Variants in PDE9A observed in about 807,000 individuals in gnomAD.
PDE9A encodes phosphodiesterase 9A.
Under a neutral mutation model 87.4 loss-of-function variants are expected in PDE9A, and 60 were observed. That is an observed-to-expected ratio of 0.69 (90% CI 0.56 to 0.85). The LOEUF (loss-of-function observed/expected upper bound fraction) is 0.85, where lower values mean the gene tolerates loss of function less well. Ranked by LOEUF, PDE9A falls within the 40% of genes least tolerant of loss-of-function variation. The pLI, the probability that PDE9A is intolerant of heterozygous loss-of-function variation, is 0.00. For synonymous variants in PDE9A, 272 were observed against 279.4 expected (o/e 0.97, Z 0.27); for missense variants, 665 against 779.0 (o/e 0.85, Z 1.74).
Position 42,751,097 on chromosome 21 carries a change from C to G in PDE9A, c.654-19C>G. On this transcript the variant is annotated intron_variant, in intron 8 of 19. Coordinates refer to ENST00000291539, the MANE Select transcript of PDE9A (RefSeq NM_002606.3). ...CTGAAACAGCAGGACCACAGCTCATCTCTGCTCCTTCTCTCTAGGACCAAC... is the reference window on the plus strand; with the variant it reads ...CTGAAACAGCAGGACCACAGCTCATGTCTGCTCCTTCTCTCTAGGACCAAC... 6.5e-7 allele frequency: 1 copy of G among 1,537,342 alleles called. No individual in the cohort carries two copies. The highest frequency in any genetic ancestry group is 9.0e-7 in the Non-Finnish European group (1 of 1,109,844).
intron 8 of PDE9A, among the ~76,000 whole-genome samples, chr21:42,744,743 C>T (rs1254417185): frequency 1.3e-5 from 2 of 152,240 alleles, no homozygotes; most frequent in African/African-American, 2.4e-5. Flanking sequence ...GGACTCTTTA[C>T]TGGAGCCAGG....
chr21:42,728,870 G>A (rs555841400), intron 4 of PDE9A, among the ~76,000 whole-genome samples: 5 of 151,956 alleles, frequency 3.3e-5, no homozygotes, highest in Non-Finnish European at 5.9e-5. Context: ...GCTTAGTGGC[G>A]GGCACCTATA....
intron 4 of PDE9A, among the ~76,000 whole-genome samples, chr21:42,726,592 C>CTATATATATATATATATATATATA (rs2051062252): frequency 5.4e-5 from 4 of 74,222 alleles, no homozygotes; most frequent in African/African-American, 2.9e-4. Flanking sequence ...CCACGCCTGG[C>CTATATATATATATATATATATATA]CATATATATA....
chr21:42,667,465 A>G (rs2058085076), intron 1 of PDE9A, among the ~76,000 whole-genome samples: 1 of 152,034 alleles, frequency 6.6e-6, no homozygotes, highest in South Asian at 2.1e-4. Flanking sequence ...TTGAATAGAA[A>G]CACACCCCTC....
rs10552392 is a variant in PDE9A, at chr21:42,773,259, C to CAA, written c.1768+758_1768+759dup. ...CCTGGAGAACAGTGAGACTCCATCTCAAAAAAAAAAAAAAAAAAAAGTGAG... is the reference window on the plus strand; with the variant it reads ...CCTGGAGAACAGTGAGACTCCATCTCAAAAAAAAAAAAAAAAAAAAAAGTGAG... On this transcript the variant is annotated intron_variant, in intron 19 of 19. Coordinates refer to ENST00000291539, the MANE Select transcript of PDE9A (RefSeq NM_002606.3). Among the ~76,000 whole-genome samples, 254 of 84,228 alleles carry CAA rather than the reference C, an allele frequency of 3.0e-3. 3 individuals carry two copies. Among genetic ancestry groups the CAA allele is most frequent in the African/African-American group, 0.011 (237 of 22,436 alleles). 55.3% of individuals were successfully genotyped at this position (84,228 alleles called of 152,430 possible).
chr21:42,768,796 C>T (rs2056634160), intron 16 of PDE9A: 1 of 985,442 alleles, frequency 1.0e-6, no homozygotes, highest in Non-Finnish European at 1.2e-6. Context: ...TACATCCATC[C>T]AACTCACCTC....
At chr21:42,773,371 A>T (rs561239786) in intron 19 of PDE9A, among the ~76,000 whole-genome samples, 73 of 152,294 alleles carry the variant, frequency 4.8e-4, no homozygotes, top group African/African-American at 1.8e-3. Context: ...AGTACTTTTT[A>T]AAAGTGCAAT....
intron 1 of PDE9A, among the ~76,000 whole-genome samples, chr21:42,676,976 C>T (rs1022162705): frequency 6.6e-6 from 1 of 152,146 alleles, no homozygotes; most frequent in Non-Finnish European, 1.5e-5. Context: ...GTGAGCTCCA[C>T]GGGGCCCAGC....
chr21:42,720,362 C>T (rs1045161188), intron 4 of PDE9A, among the ~76,000 whole-genome samples: 3 of 152,000 alleles, frequency 2.0e-5, no homozygotes, highest in Non-Finnish European at 4.4e-5. Context: ...GGCATGGTCA[C>T]GCATGCCTGT....
chr21:42,656,261 C>T (rs1437387524), intron 1 of PDE9A, among the ~76,000 whole-genome samples: 1 of 152,196 alleles, frequency 6.6e-6, no homozygotes, highest in Non-Finnish European at 1.5e-5. Flanking sequence ...CTTTCCGTCA[C>T]TGTGTTCGTC....
At chr21:42,764,508 C>G (rs1324734398) in intron 14 of PDE9A, among the ~76,000 whole-genome samples, 1 of 152,182 alleles carries the variant, frequency 6.6e-6, no homozygotes, top group Non-Finnish European at 1.5e-5. Context: ...AGTGAACGCC[C>G]CTTAGTGTAG....
rs749495400 is a variant in PDE9A at position 42,698,917 on chromosome 21, A to T, written c.219-51A>T. 7.5e-6 allele frequency: 10 copies of T among 1,335,818 alleles called. No individual in the cohort carries two copies. The South Asian group carries it at 1.2e-4, about 17-fold the overall frequency. 82.7% of individuals were successfully genotyped at this position (1,335,818 alleles called of 1,614,324 possible). On this transcript the variant is annotated intron_variant, in intron 3 of 19. Coordinates refer to ENST00000291539, the MANE Select transcript of PDE9A (RefSeq NM_002606.3). ...AGTGCTTATCTCTCCTGCCAGGCAT[A>T]CAGCGAGCGCCTTGCAGAGTCTCAC...
intron 2 of PDE9A, among the ~76,000 whole-genome samples, chr21:42,686,867 A>G (rs1014328658): frequency 1.3e-5 from 2 of 152,098 alleles, no homozygotes; most frequent in Non-Finnish European, 2.9e-5. Flanking sequence ...TCACTTCTTC[A>G]TTCACTTTTG....
chr21:42,689,928 G>T, intron 3 of PDE9A: 1 of 985,048 alleles, frequency 1.0e-6, no homozygotes, highest in Non-Finnish European at 1.2e-6. Context: ...AGACACACGC[G>T]GATGAGGATA....
Position 42,762,183 on chromosome 21 carries a change from C to G in PDE9A, c.1186C>G (p.Pro396Ala). The change falls in exon 14 of 20, where the codon CCT becomes GCT. Residue 396 changes from proline to alanine, a missense_variant. Coordinates refer to ENST00000291539, the MANE Select transcript of PDE9A (RefSeq NM_002606.3). ...CGTGGCCTTCCAGATCCTCGCCGAG[C>G]CTGAGTGCAACATCTTCTCCAACAT... Reference protein sequence around the residue: ...CAVAFQILAEPECNIFSNIPP... With the variant: ...CAVAFQILAEAECNIFSNIPP... 6.2e-7 allele frequency: 1 copy of G among 1,614,192 alleles called. No homozygotes were observed. The highest frequency in any genetic ancestry group is 8.5e-7 in the Non-Finnish European group (1 of 1,180,018).
At chr21:42,686,308 C>T (rs372897987) in intron 2 of PDE9A, 46 bp downstream of exon 2, 22 of 1,526,396 alleles carry the variant, frequency 1.4e-5, no homozygotes, top group African/African-American at 2.7e-5. Flanking sequence ...ACGCGGCCTC[C>T]TCGCCTTTTC....
chr21:42,711,162 T>G (rs2049301142), intron 4 of PDE9A, among the ~76,000 whole-genome samples: 1 of 152,198 alleles, frequency 6.6e-6, no homozygotes, highest in Non-Finnish European at 1.5e-5. Context: ...ATGAGGTCAT[T>G]TGATGAGCAG....
intron 8 of PDE9A, 46 bp downstream of exon 8, chr21:42,743,906 T>C (rs1256794507): frequency 4.5e-6 from 5 of 1,109,686 alleles, no homozygotes; most frequent in Non-Finnish European, 6.7e-6. Flanking sequence ...TGGGGAGGGC[T>C]CCCCGTACCA....
chr21:42,715,095 GT>G (rs34279448), intron 4 of PDE9A, among the ~76,000 whole-genome samples: 11,997 of 142,016 alleles, frequency 0.084, 983 homozygotes, highest in African/African-American at 0.22. Context: ...ATAAATTTTT[GT>G]TTTCCATTTT....
Sources: allele counts gnomAD v4.1 joint callset (sites outside exome capture counted in the v4.1 genomes callset), GRCh38; gene constraint gnomAD v4.1.1; transcripts MANE v1.5; gene names NCBI Gene and HGNC (gene_info 2026-07-23, HGNC 2026-07-21).